TCAIM: variants seen among roughly 807,000 people sequenced by gnomAD.
TCAIM encodes T cell activation inhibitor, mitochondrial.
In TCAIM, 36 loss-of-function variants were observed where a neutral mutation model predicts 58.6. That is an observed-to-expected ratio of 0.61 (90% CI 0.47 to 0.81). The LOEUF (loss-of-function observed/expected upper bound fraction) is 0.81, where lower values mean the gene tolerates loss of function less well. Among genes scored for constraint, TCAIM ranks in the 30% least tolerant of loss-of-function variants. The pLI, the probability that TCAIM is intolerant of heterozygous loss-of-function variation, is 0.00. For missense variants in TCAIM, 466 were observed against 579.6 expected (o/e 0.80, Z 2.01); for synonymous variants, 172 against 193.6 (o/e 0.89, Z 0.93).
intron 10 of TCAIM, among the ~76,000 whole-genome samples, chr3:44,405,788 T>A (rs1374644124): frequency 6.6e-6 from 1 of 151,406 alleles, no homozygotes; most frequent in African/African-American, 2.4e-5. Flanking sequence ...AAACCCTGCC[T>A]CTACTATAGA....
rs549566998 is a variant in TCAIM at position 44,379,389 on chromosome 3, A to T, written c.572+11681A>T. Among the ~76,000 whole-genome samples, 5 of 152,308 alleles carry T rather than the reference A, an allele frequency of 3.3e-5. No individual in the cohort carries two copies. The East Asian group carries it at 9.6e-4, about 29-fold the overall frequency. On this transcript the variant is annotated intron_variant, in intron 5 of 10. Transcript: ENST00000342649. ...ACGGGGTTTATACCCAAAGGAATAT[A>T]AATCATTCTACTGTAAACACACATG...
chr3:44,354,922 G>A (rs1490019134), intron 2 of TCAIM, 111 bp downstream of exon 2: 5 of 1,282,140 alleles, frequency 3.9e-6, no homozygotes, highest in African/African-American at 1.5e-5. Flanking sequence ...TTATATTATG[G>A]TGGAAAGCTG....
chr3:44,395,873 GCTA>G (rs1040772223), intron 6 of TCAIM, among the ~76,000 whole-genome samples: 6 of 152,178 alleles, frequency 3.9e-5, no homozygotes, highest in African/African-American at 1.2e-4. Flanking sequence ...TTTAGTCCCA[GCTA>G]CTCGTGAGGC....
chr3:44,338,735 A>G (rs1700781863), upstream of TCAIM: 1 of 152,324 alleles, frequency 6.6e-6, no homozygotes, highest in African/African-American at 2.4e-5. Context: ...TGCGCGTCCG[A>G]ACAGCCCTGC....
intron 2 of TCAIM, among the ~76,000 whole-genome samples, chr3:44,355,971 G>A (rs1701182877): frequency 6.6e-6 from 1 of 152,088 alleles, no homozygotes; most frequent in Non-Finnish European, 1.5e-5. Context: ...ATTTAATGCT[G>A]GCTGATTCTT....
chr3:44,358,330 T>C (rs187426580), intron 3 of TCAIM: 11 of 793,520 alleles, frequency 1.4e-5, no homozygotes, highest in South Asian at 6.2e-5. Context: ...CAAACTGATA[T>C]GAAAAATGAC....
chr3:44,387,123 A>G (rs1416273574), intron 5 of TCAIM, among the ~76,000 whole-genome samples: 1 of 152,126 alleles, frequency 6.6e-6, no homozygotes, highest in Non-Finnish European at 1.5e-5. Context: ...GGAGTTACCC[A>G]CTTCAGGTCT....
intron 5 of TCAIM, among the ~76,000 whole-genome samples, chr3:44,376,587 A>G (rs1202863343): frequency 6.6e-6 from 1 of 152,188 alleles, no homozygotes; most frequent in African/African-American, 2.4e-5. Flanking sequence ...GAAACGAGAA[A>G]GGAATTTAAA....
intron 1 of TCAIM, chr3:44,341,449 T>G (rs930696294): frequency 3.3e-5 from 5 of 152,204 alleles, no homozygotes; most frequent in African/African-American, 1.2e-4. Flanking sequence ...TTCTGATGAA[T>G]TAAAAGTATT....
rs368802219 is a variant in TCAIM, at chr3:44,356,389, C to T, written c.30-1352C>T. Among the ~76,000 whole-genome samples, 34 of 151,990 alleles carry T rather than the reference C, an allele frequency of 2.2e-4. No individual in the cohort carries two copies. In the South Asian group the frequency reaches 4.4e-3, roughly 20 times the overall value. On this transcript the variant is annotated intron_variant, in intron 2 of 10. Transcript: ENST00000342649. ...TAAAAATGCAAAAATTAACTGGGCA[C>T]GGTGGCGTGCACCTGTAATCCCAGC...
intron 1 of TCAIM, chr3:44,340,579 G>A (rs1404250973): frequency 6.6e-6 from 1 of 152,216 alleles, no homozygotes; most frequent in Non-Finnish European, 1.5e-5. Context: ...GGTAGCTAAA[G>A]ATCCAAGTTT....
chr3:44,386,928 C>T lies in TCAIM; in HGVS notation c.573-5927C>T, dbSNP rs1330831176. 3.3e-5 allele frequency among the ~76,000 whole-genome samples: 5 copies of T among 152,222 alleles called. No homozygotes were observed. The East Asian group carries it at 7.7e-4, about 23-fold the overall frequency. The stretch of plus-strand genomic sequence containing the variant: ...CCTTCAAGCCAGGAACAGCCTGAAG[C>T]GTGGGGACTGGGCTGCCGGTTCCAG... On this transcript the variant is annotated intron_variant, in intron 5 of 10. Coordinates refer to ENST00000342649, the MANE Select transcript of TCAIM (RefSeq NM_173826.4).
chr3:44,361,345 C>T lies in TCAIM; in HGVS notation c.166-20C>T, dbSNP rs562657130. ...CCTTGTTCTATTTTGTATGTAAATG[C>T]CCTTAATGTTTTTTTCCAGGAAATC... On this transcript the variant is annotated intron_variant, in intron 3 of 10. Coordinates refer to ENST00000342649, the MANE Select transcript of TCAIM (RefSeq NM_173826.4). 4.4e-6 allele frequency: 7 copies of T among 1,582,606 alleles called. No individual in the cohort carries two copies. The African/African-American group carries it at 6.8e-5, about 15-fold the overall frequency.
At chr3:44,404,585 C>T (rs995061643) in intron 10 of TCAIM, among the ~76,000 whole-genome samples, 15 of 152,064 alleles carry the variant, frequency 9.9e-5, no homozygotes, top group Non-Finnish European at 2.9e-5. Flanking sequence ...AGGAGCCTCT[C>T]CTCGCCTTTG....
intron 1 of TCAIM, among the ~76,000 whole-genome samples, chr3:44,343,324 A>G (rs192670902): frequency 5.9e-5 from 9 of 152,276 alleles, no homozygotes; most frequent in Non-Finnish European, 1.3e-4. Flanking sequence ...ACCATTATGC[A>G]AACTACCTAC....
chr3:44,377,057 T>A (rs1274922344), intron 5 of TCAIM, among the ~76,000 whole-genome samples: 2 of 152,166 alleles, frequency 1.3e-5, no homozygotes, highest in South Asian at 4.1e-4. Flanking sequence ...GCCACTGCAC[T>A]CCAGCCTGGG....
At chr3:44,383,790 T>C (rs1701690809) in intron 5 of TCAIM, among the ~76,000 whole-genome samples, 1 of 106,598 alleles carries the variant, frequency 9.4e-6, no homozygotes, top group African/African-American at 3.9e-5. Context: ...ATGGGCAACA[T>C]GGCAAGACCC....
intron 6 of TCAIM, among the ~76,000 whole-genome samples, chr3:44,395,716 G>A (rs2125653900): frequency 6.6e-6 from 1 of 152,362 alleles, no homozygotes; most frequent in African/African-American, 2.4e-5. Flanking sequence ...CAGGTACGGT[G>A]GCTCACGCCT....
intron 1 of TCAIM, among the ~76,000 whole-genome samples, chr3:44,351,976 C>T (rs568054155): frequency 6.6e-6 from 1 of 150,968 alleles, no homozygotes; most frequent in East Asian, 1.9e-4. Flanking sequence ...AACAGTTATG[C>T]TTCATTAGAT....
Sources: gnomAD v4.1 joint callset for allele counts (sites outside exome capture counted in the v4.1 genomes callset) on GRCh38, gnomAD v4.1.1 for gene constraint, MANE v1.5 for transcripts, NCBI Gene and HGNC (gene_info 2026-07-23, HGNC 2026-07-21) for gene names.